Variants in ENTHD1 observed in about 807,000 individuals in gnomAD.
The protein encoded by ENTHD1 is ENTH domain-containing protein 1.
A neutral mutation model predicts 39.1 loss-of-function variants in ENTHD1; 23 were observed. The ratio of observed to expected loss-of-function variants is 0.59; its 90% CI spans 0.42 to 0.83. ENTHD1 has a LOEUF of 0.83. Among genes scored for constraint, ENTHD1 ranks in the 40% least tolerant of loss-of-function variants. The pLI, the probability that ENTHD1 is intolerant of heterozygous loss-of-function variation, is 0.00. For synonymous variants in ENTHD1, 230 were observed against 258.2 expected, an observed-to-expected ratio of 0.89 and a Z score of 1.05; for missense variants, 624 against 705.4, an observed-to-expected ratio of 0.88 and a Z score of 1.31.
At chr22:39,859,520 G>A (rs2146720891) in intron 3 of ENTHD1, among the ~76,000 whole-genome samples, 1 of 152,218 alleles carries the variant, frequency 6.6e-6, no homozygotes, top group Middle Eastern at 3.4e-3. Flanking sequence ...GCCATTGTAG[G>A]GTTATTAATT....
intron 5 of ENTHD1, among the ~76,000 whole-genome samples, chr22:39,776,582 G>C (rs1193855909): frequency 6.6e-6 from 1 of 152,128 alleles, no homozygotes; most frequent in Non-Finnish European, 1.5e-5. Context: ...GATTATTCTT[G>C]ACAGTTATCT....
Position 39,887,798 on chromosome 22 carries a change from C to G in ENTHD1, c.-50G>C, listed in dbSNP as rs564616271. On this transcript the variant is annotated 5_prime_UTR_variant, in exon 2 of 7. Coordinates refer to ENST00000325157, the MANE Select transcript of ENTHD1 (RefSeq NM_152512.4). Reference sequence around the variant, plus strand: ...ATGGAGGATGAAAGCAATGGAATAACAGTTTATGTCACGGGTTTATAAAAC... The same window carrying G: ...ATGGAGGATGAAAGCAATGGAATAAGAGTTTATGTCACGGGTTTATAAAAC... 5 of 1,340,902 alleles carry G rather than the reference C, an allele frequency of 3.7e-6. No individual in the cohort carries two copies. In the African/African-American group the frequency reaches 7.3e-5, roughly 20 times the overall value. The allele number at this position is 1,340,902 out of a possible 1,614,324, so 83.1% of individuals were successfully genotyped here. A position where few individuals can be genotyped will look rare whatever the true frequency, so the allele number is the denominator to read the frequency against.
intron 5 of ENTHD1, among the ~76,000 whole-genome samples, chr22:39,768,283 A>G (rs1265667175): frequency 6.6e-6 from 1 of 152,170 alleles, no homozygotes; most frequent in Admixed American, 6.6e-5. Context: ...TTGGGTTTCA[A>G]AGGCCCTTCA....
chr22:39,883,003 C>CAAAAAAAAAA (rs58964198), intron 2 of ENTHD1, among the ~76,000 whole-genome samples: 1 of 48,284 alleles, frequency 2.1e-5, no homozygotes, highest in African/African-American at 6.5e-5. Flanking sequence ...GACTTCATCT[C>CAAAAAAAAAA]AAAAAAAAAA....
intron 5 of ENTHD1, among the ~76,000 whole-genome samples, chr22:39,790,886 T>C (rs1358443120): frequency 6.6e-6 from 1 of 152,166 alleles, no homozygotes; most frequent in Admixed American, 6.5e-5. Context: ...CTAAGAAATC[T>C]CATCACCTAC....
At chr22:39,837,485 G>A (rs1387884654) in intron 3 of ENTHD1, among the ~76,000 whole-genome samples, 1 of 151,978 alleles carries the variant, frequency 6.6e-6, no homozygotes, top group Non-Finnish European at 1.5e-5. Context: ...AACCTCTAAG[G>A]CACCAAATAA....
At chr22:39,745,793 C>T (rs1191708234) in intron 6 of ENTHD1, among the ~76,000 whole-genome samples, 2 of 152,282 alleles carry the variant, frequency 1.3e-5, no homozygotes, top group African/African-American at 4.8e-5. Context: ...GCTTAATGAT[C>T]GTTTGGTTAA....
intron 5 of ENTHD1, among the ~76,000 whole-genome samples, chr22:39,798,970 G>C (rs2065575836): frequency 6.6e-6 from 1 of 152,212 alleles, no homozygotes; most frequent in Non-Finnish European, 1.5e-5. Context: ...GCCCCCAGAG[G>C]GAATGCACAG....
chr22:39,766,910 A>G (rs2065281723), intron 5 of ENTHD1, among the ~76,000 whole-genome samples: 1 of 152,146 alleles, frequency 6.6e-6, no homozygotes, highest in Non-Finnish European at 1.5e-5. Flanking sequence ...TTAAAACTCA[A>G]TTCAAGTATC....
chr22:39,818,639 A>C (rs1307827514), intron 5 of ENTHD1, among the ~76,000 whole-genome samples: 3 of 152,194 alleles, frequency 2.0e-5, no homozygotes, highest in African/African-American at 7.2e-5. Context: ...AACTGTTGAA[A>C]GCTTTTAAGC....
intron 3 of ENTHD1, among the ~76,000 whole-genome samples, chr22:39,854,214 C>T (rs1000574611): frequency 6.6e-6 from 1 of 152,076 alleles, no homozygotes; most frequent in Non-Finnish European, 1.5e-5. Flanking sequence ...CAGACAGGGA[C>T]CTCAGCCGGG....
At chr22:39,751,361 T>A (rs1004108036) in intron 6 of ENTHD1, 1 of 153,184 alleles carries the variant, frequency 6.5e-6, no homozygotes, top group East Asian at 1.9e-4. Flanking sequence ...CTTCAAAGGA[T>A]CTTCTCTTCT....
Position 39,782,060 on chromosome 22 carries a change from G to A in ENTHD1, c.833-16451C>T, listed in dbSNP as rs143207130. On this transcript the variant is annotated intron_variant, in intron 5 of 6. Transcript: ENST00000325157. The stretch of plus-strand genomic sequence containing the variant: ...CCAGCACTTTGAGAGGATGAAGTGG[G>A]AGGATCACTTGAGGCCAGGAGTTCA... Among the ~76,000 whole-genome samples the A allele has an allele frequency of 3.2e-3, 486 of 152,254 alleles. 5 individuals are homozygous for A. The highest frequency in any genetic ancestry group is 0.011 in the African/African-American group (469 of 41,538).
At chr22:39,827,013 A>G (rs2065832195) in intron 4 of ENTHD1, among the ~76,000 whole-genome samples, 1 of 148,782 alleles carries the variant, frequency 6.7e-6, no homozygotes, top group Non-Finnish European at 1.5e-5. Flanking sequence ...ATGCCCAACT[A>G]ATTTTTTTTT....
chr22:39,818,174 C>A (rs2065748613), intron 5 of ENTHD1, among the ~76,000 whole-genome samples: 1 of 152,186 alleles, frequency 6.6e-6, no homozygotes, highest in Non-Finnish European at 1.5e-5. Context: ...GAAACCCAAA[C>A]TAGCCTACAT....
At chr22:39,835,483 A>G (rs994273541) in intron 4 of ENTHD1, among the ~76,000 whole-genome samples, 3 of 152,176 alleles carry the variant, frequency 2.0e-5, no homozygotes, top group Non-Finnish European at 4.4e-5. Flanking sequence ...TATTAGGGTA[A>G]GAAATAATTT....
chr22:39,874,472 A>C (rs2066270365), intron 2 of ENTHD1: 3 of 152,274 alleles, frequency 2.0e-5, no homozygotes, highest in Admixed American at 2.0e-4. Context: ...GCGGTGAGGA[A>C]GGAAAAGGAC....
rs1167488563 is a variant in ENTHD1 at position 39,765,582 on chromosome 22, C to CTATT, written c.856_859dup (p.Ser287LysfsTer2). 6.2e-7 allele frequency: 1 copy of CTATT among 1,612,568 alleles called. No homozygotes were observed. Among genetic ancestry groups the CTATT allele is most frequent in the East Asian group, 2.2e-5 (1 of 44,856 alleles). On this transcript the variant is annotated stop_gained and frameshift_variant, in exon 6 of 7. Transcript: ENST00000325157. LOFTEE classifies it high-confidence loss of function. ...ACTCACATCTCTCTGCCCAGAAGGA[C>CTATT]TATTTTCTGAGAGAGTAGGCACAGC...
intron 5 of ENTHD1, among the ~76,000 whole-genome samples, chr22:39,798,190 T>C (rs1028775790): frequency 6.6e-5 from 10 of 152,090 alleles, no homozygotes; most frequent in Non-Finnish European, 1.5e-4. Flanking sequence ...GACATCTTCA[T>C]GCTTCCAAAT....
Sources: gnomAD v4.1 joint callset for allele counts (sites outside exome capture counted in the v4.1 genomes callset) on GRCh38, gnomAD v4.1.1 for gene constraint, MANE v1.5 for transcripts, NCBI Gene and HGNC (gene_info 2026-07-23, HGNC 2026-07-21) for gene names.